DLGAP1: variants seen among roughly 807,000 people sequenced by gnomAD.
DLGAP1 encodes DLG associated protein 1.
Under a neutral mutation model 90.8 loss-of-function variants are expected in DLGAP1, and 11 were observed. The ratio of observed to expected loss-of-function variants is 0.12; its 90% CI spans 0.08 to 0.20. The LOEUF is 0.20. DLGAP1 is among the 10% of genes least tolerant of loss of function. The pLI is 1.00. For missense variants in DLGAP1, 1,050 were observed against 1,333.8 expected, an observed-to-expected ratio of 0.79 and a Z score of 3.31; for synonymous variants, 558 against 540.7, an observed-to-expected ratio of 1.03 and a Z score of -0.44.
chr18:3,668,557 G>C (rs1036727050), intron 7 of DLGAP1, among the ~76,000 whole-genome samples: 1 of 151,640 alleles, frequency 6.6e-6, no homozygotes, highest in Non-Finnish European at 1.5e-5. Flanking sequence ...TTCATCTTCC[G>C]TACCTTCTTC....
chr18:3,972,994 A>G (rs1168013299), intron 3 of DLGAP1, among the ~76,000 whole-genome samples: 2 of 152,264 alleles, frequency 1.3e-5, no homozygotes, highest in African/African-American at 4.8e-5. Flanking sequence ...AACAAGCGTG[A>G]GCTCAAGTAA....
intron 2 of DLGAP1, among the ~76,000 whole-genome samples, chr18:4,086,857 A>G (rs1172816066): frequency 2.6e-5 from 4 of 151,724 alleles, no homozygotes; most frequent in South Asian, 2.1e-4. Context: ...TTACTGAGAG[A>G]GAAGTGTTAA....
At chr18:4,166,695 T>G (rs999600053) in intron 1 of DLGAP1, among the ~76,000 whole-genome samples, 1 of 152,236 alleles carries the variant, frequency 6.6e-6, no homozygotes, top group Non-Finnish European at 1.5e-5. Flanking sequence ...ATGTGGTATA[T>G]TCGTATGAAG....
At chr18:3,589,980 G>T (rs1217209524) in intron 7 of DLGAP1, among the ~76,000 whole-genome samples, 1 of 152,106 alleles carries the variant, frequency 6.6e-6, no homozygotes, top group African/African-American at 2.4e-5. Context: ...GCACCGTCTC[G>T]GCTCACTGCA....
intron 1 of DLGAP1, among the ~76,000 whole-genome samples, chr18:4,222,740 G>GA (rs36052054): frequency 0.44 from 63,982 of 145,464 alleles, 15,364 homozygotes; most frequent in East Asian, 0.79. Flanking sequence ...GTTTTAGACA[G>GA]AAAAAAAAAA....
chr18:3,546,693 G>A (rs565440229), intron 9 of DLGAP1, among the ~76,000 whole-genome samples: 28 of 151,424 alleles, frequency 1.8e-4, no homozygotes, highest in African/African-American at 6.1e-4. Flanking sequence ...ATTTCAAACC[G>A]AATGAAAAAG....
chr18:3,904,658 A>G (rs1431750920), intron 3 of DLGAP1, among the ~76,000 whole-genome samples: 3 of 152,242 alleles, frequency 2.0e-5, no homozygotes, highest in Non-Finnish European at 4.4e-5. Context: ...TAACCACTTA[A>G]TGAATCAGTG....
intron 1 of DLGAP1, among the ~76,000 whole-genome samples, chr18:4,153,159 C>T (rs528233054): frequency 6.6e-6 from 1 of 152,256 alleles, no homozygotes; most frequent in Admixed American, 6.5e-5. Context: ...TAGGAGAGGT[C>T]TTAAATGTCA....
Position 3,499,103 on chromosome 18 carries a change from G to T in DLGAP1, c.*82C>A. On this transcript the variant is annotated 3_prime_UTR_variant, in exon 13 of 13. Coordinates refer to ENST00000315677, the MANE Select transcript of DLGAP1 (RefSeq NM_004746.4). This position sits in a 1 kb window ranked among gnomAD's most constrained non-coding sequence, Gnocchi z 6.4. ...CCGAGCTCGGGAGCGGACGGGCTCG[G>T]AGGGGGAGAGGCAGCCGGCAGAGGA... 1 of 1,303,048 alleles carries T rather than the reference G, an allele frequency of 7.7e-7. No homozygotes were observed. The allele number at this position is 1,303,048 out of a possible 1,614,324, so 80.7% of individuals were successfully genotyped here.
chr18:4,069,419 T>C (rs769495122), intron 2 of DLGAP1, among the ~76,000 whole-genome samples: 4 of 152,172 alleles, frequency 2.6e-5, no homozygotes, highest in Non-Finnish European at 4.4e-5. Flanking sequence ...CAAAATCTCA[T>C]GTCAAATTGT....
intron 2 of DLGAP1, among the ~76,000 whole-genome samples, chr18:4,142,107 T>C (rs1598473734): frequency 6.6e-6 from 1 of 152,278 alleles, no homozygotes; most frequent in Non-Finnish European, 1.5e-5. Context: ...AAAATAATTC[T>C]TGTCAAGTTG....
chr18:3,523,147 T>TGGATCACTTGAGGTCAGC (rs1280371734), intron 10 of DLGAP1, among the ~76,000 whole-genome samples: 24 of 150,358 alleles, frequency 1.6e-4, no homozygotes, highest in Non-Finnish European at 3.0e-4. Flanking sequence ...CTGAGGTAGG[T>TGGATCACTTGAGGTCAGC]GGATCACTTG....
intron 5 of DLGAP1, among the ~76,000 whole-genome samples, chr18:3,763,670 C>CT (rs951938968): frequency 5.4e-4 from 77 of 142,876 alleles, no homozygotes; most frequent in African/African-American, 1.3e-3. Flanking sequence ...TTTTTTTTTT[C>CT]TTTTTTTTTT....
At chr18:3,571,471 CCT>C (rs2054780534) in intron 8 of DLGAP1, 1 of 152,050 alleles carries the variant, frequency 6.6e-6, no homozygotes, top group Non-Finnish European at 1.5e-5. Context: ...GCCTAAGCCC[CCT>C]GAGTAGTTGA....
At chr18:4,039,497 C>T (rs993828897) in intron 2 of DLGAP1, among the ~76,000 whole-genome samples, 2 of 152,010 alleles carry the variant, frequency 1.3e-5, no homozygotes, top group Non-Finnish European at 2.9e-5. Flanking sequence ...CAAATAAATG[C>T]CTAGAAAATT....
At chr18:4,150,727 C>A (rs2076661936) in intron 2 of DLGAP1, among the ~76,000 whole-genome samples, 1 of 152,254 alleles carries the variant, frequency 6.6e-6, no homozygotes, top group African/African-American at 2.4e-5. Flanking sequence ...AGCCACCACG[C>A]CCTGCCTTTC....
At chr18:3,982,302 G>A (rs142428513) in intron 3 of DLGAP1, among the ~76,000 whole-genome samples, 4 of 152,228 alleles carry the variant, frequency 2.6e-5, no homozygotes, top group East Asian at 3.9e-4. Context: ...CTGTCTCCAC[G>A]TCATGTACAT....
At chr18:4,327,110 G>A (rs1045883934) in intron 1 of DLGAP1, among the ~76,000 whole-genome samples, 29 of 151,488 alleles carry the variant, frequency 1.9e-4, no homozygotes, top group African/African-American at 6.8e-4. Flanking sequence ...ACAAATTTTC[G>A]ATTAGACATA....
At chr18:3,892,534 C>T (rs1188164673) in intron 3 of DLGAP1, among the ~76,000 whole-genome samples, 2 of 152,072 alleles carry the variant, frequency 1.3e-5, no homozygotes, top group East Asian at 1.9e-4. Flanking sequence ...TAAAATATTC[C>T]CTGACTAAAG....
Sources: gnomAD v4.1 joint callset for allele counts (sites outside exome capture counted in the v4.1 genomes callset) on GRCh38, gnomAD v4.1.1 for gene constraint, Gnocchi (gnomAD v3.1) non-coding constraint, MANE v1.5 for transcripts, NCBI Gene and HGNC (gene_info 2026-07-23, HGNC 2026-07-21) for gene names.